CR1L: variants seen among roughly 807,000 people sequenced by gnomAD.
CR1L encodes complement C3b/C4b receptor 1 like, also known as complement component receptor 1-like protein.
In CR1L, 59 loss-of-function variants were observed where a neutral mutation model predicts 62.3. The ratio of observed to expected loss-of-function variants is 0.95; its 90% confidence interval spans 0.77 to 1.18. The LOEUF (loss-of-function observed/expected upper bound fraction) is 1.18. Among genes scored for constraint, CR1L ranks in the 50% most tolerant of loss-of-function variants. The pLI, the probability that CR1L is intolerant of heterozygous loss-of-function variation, is 0.00. For missense variants in CR1L, 700 were observed against 702.8 expected (o/e 1.00, Z 0.04); for synonymous variants, 279 against 248.7 (o/e 1.12, Z -1.15).
At chr1:207,687,015 G>A (rs1200127334) in intron 4 of CR1L, among the ~76,000 whole-genome samples, 1 of 152,194 alleles carries the variant, frequency 6.6e-6, no homozygotes, top group African/African-American at 2.4e-5. Context: ...CCAGTTTATA[G>A]TATTTTGTTA....
intron 9 of CR1L, among the ~76,000 whole-genome samples, chr1:207,706,672 G>C (rs1397716811): frequency 2.0e-5 from 3 of 152,172 alleles, no homozygotes; most frequent in Non-Finnish European, 4.4e-5. Context: ...TAGCACTTCT[G>C]TTGAGCCAAG....
chr1:207,660,849 T>G (rs913439874), intron 1 of CR1L, among the ~76,000 whole-genome samples: 11 of 152,260 alleles, frequency 7.2e-5, no homozygotes, highest in Admixed American at 3.3e-4. Flanking sequence ...GTTGTGTTTT[T>G]GTTCTTGTTG....
At chr1:207,719,973 G>A (rs1423855857) in intron 11 of CR1L, among the ~76,000 whole-genome samples, 2 of 152,168 alleles carry the variant, frequency 1.3e-5, no homozygotes, top group African/African-American at 2.4e-5. Context: ...TTCAACAAGA[G>A]AGAATATTTA....
chr1:207,717,530 T>A lies in CR1L; in HGVS notation c.1481T>A (p.Ile494Asn), dbSNP rs1384853258. ...CACACAGGAACTCCCCTTGGAGATA[T>A]TCCCTATGGAAAAGAAGTATCTTAC... ...GRHTGTPLGD[I>N]PYGKEVSYTC... The change falls in exon 11 of 12, where the codon ATT (isoleucine) becomes AAT (asparagine). Residue 494 changes from isoleucine to asparagine, a missense_variant. Physicochemically the swap from Ile to Asn is moderately radical, Grantham distance 149. Transcript: ENST00000508064. 2 of 1,613,664 alleles carry A rather than the reference T, an allele frequency of 1.2e-6. No individual in the cohort carries two copies. Among genetic ancestry groups the A allele is most frequent in the Non-Finnish European group, 8.5e-7 (1 of 1,179,702 alleles).
chr1:207,714,754 T>A (rs1285694142), intron 10 of CR1L, among the ~76,000 whole-genome samples: 1 of 152,190 alleles, frequency 6.6e-6, no homozygotes, highest in Non-Finnish European at 1.5e-5. Flanking sequence ...GTTGAGCATT[T>A]CAGGGTGGCA....
At position 207,717,424 on chromosome 1, in the gene CR1L, A is replaced by G. The variant is rs1196445040; in HGVS notation, c.1415-40A>G. 3.1e-6 allele frequency: 5 copies of G among 1,594,740 alleles called. No homozygotes were observed. In the African/African-American group the frequency reaches 4.0e-5, roughly 13 times the overall value. On this transcript the variant is annotated intron_variant, in intron 10 of 11. Coordinates refer to ENST00000508064, the MANE Select transcript of CR1L (RefSeq NM_175710.2). ...ACTAATATTTCAGTCATCTTAAGTG[A>G]AACTCTAATAGAACTTAAAAGCTCT...
At chr1:207,669,374 T>C (rs1284050994) in intron 1 of CR1L, 1 of 1,007,890 alleles carries the variant, frequency 9.9e-7, no homozygotes, top group Non-Finnish European at 1.5e-6. Flanking sequence ...CACTCCTCTT[T>C]GCACTGCGCT....
At chr1:207,672,709 G>A (rs1471724857) in intron 1 of CR1L, among the ~76,000 whole-genome samples, 1 of 152,070 alleles carries the variant, frequency 6.6e-6, no homozygotes. Flanking sequence ...GTTTAACATA[G>A]GGTAGACTCT....
At position 207,699,186 on chromosome 1, in the gene CR1L, T is replaced by C. The variant is rs1664154143; in HGVS notation, c.1143-3T>C. The C allele has an allele frequency of 6.2e-7, 1 of 1,613,622 alleles. No individual in the cohort carries two copies. Among genetic ancestry groups the C allele is most frequent in the Non-Finnish European group, 8.5e-7 (1 of 1,179,610 alleles). ...CGCTATTCACTCCTATTTTCTTCTT[T>C]AGATTTCAATTAAAAGGCAGCTCTG... On this transcript the variant is annotated splice_polypyrimidine_tract_variant and splice_region_variant and intron_variant, in intron 7 of 11. Coordinates refer to ENST00000508064, the MANE Select transcript of CR1L (RefSeq NM_175710.2).
At position 207,683,004 on chromosome 1, in the gene CR1L, C is replaced by CTTTT. The variant is rs1558017888; in HGVS notation, c.378-865_378-864insTTTT. On this transcript the variant is annotated intron_variant, in intron 3 of 11. Transcript: ENST00000508064. Reference sequence around the variant, plus strand: ...TCTTTCTTTCTTTTTTTCTTTCTTTCTTTCTTTTTCTTTCTTTCTTTCCTT... The same window carrying CTTTT: ...TCTTTCTTTCTTTTTTTCTTTCTTTCTTTTTTTCTTTTTCTTTCTTTCTTTCCTT... 8.0e-5 allele frequency among the ~76,000 whole-genome samples: 8 copies of CTTTT among 99,482 alleles called. No individual in the cohort carries two copies. The South Asian group carries it at 1.4e-3, about 17-fold the overall frequency. The allele number at this position is 99,482 out of a possible 152,430, so 65.3% of individuals were successfully genotyped here.
At chr1:207,674,698 C>T (rs1011527802) in intron 1 of CR1L, among the ~76,000 whole-genome samples, 6 of 152,154 alleles carry the variant, frequency 3.9e-5, no homozygotes, top group African/African-American at 1.4e-4. Flanking sequence ...GTGACGTTTA[C>T]CCTCTCTTAA....
chr1:207,697,552 C>A lies in CR1L; in HGVS notation c.912C>A (p.Asp304Glu), dbSNP rs772728513. The A allele has an allele frequency of 4.3e-6, 7 of 1,613,694 alleles. No individual in the cohort carries two copies. In the African/African-American group the frequency reaches 6.7e-5, roughly 15 times the overall value. The stretch of plus-strand genomic sequence containing the variant: ...TGCATGCTGAGCGTACCCAAAGGGA[C>A]AAGGACAACTTTTCACCCGGGCAGG... Reference protein sequence around the residue: ...DVLHAERTQRDKDNFSPGQEV... With the variant: ...DVLHAERTQREKDNFSPGQEV... Residue 304 changes from aspartate (D) to glutamate (E), a missense_variant, in exon 6 of 12, where the codon GAC becomes GAA. Physicochemically the swap from Asp to Glu is conservative, Grantham distance 45. Coordinates refer to ENST00000508064, the MANE Select transcript of CR1L (RefSeq NM_175710.2).
At chr1:207,719,181 C>T (rs1179716447) in intron 11 of CR1L, among the ~76,000 whole-genome samples, 1 of 141,348 alleles carries the variant, frequency 7.1e-6, no homozygotes, top group Non-Finnish European at 1.5e-5. Context: ...GTGGGTGCAG[C>T]GCACCAGCAT....
intron 3 of CR1L, among the ~76,000 whole-genome samples, chr1:207,683,123 T>G (rs797006558): frequency 1.1e-4 from 16 of 150,594 alleles, no homozygotes; most frequent in African/African-American, 3.9e-4. Context: ...TCTGACTCTC[T>G]CTCTCTCTCT....
At chr1:207,676,959 T>A (rs182351249) in intron 1 of CR1L, among the ~76,000 whole-genome samples, 113 of 152,042 alleles carry the variant, frequency 7.4e-4, no homozygotes, top group African/African-American at 2.5e-3. Flanking sequence ...CCCAGCTCCC[T>A]TGGCTATTAG....
At chr1:207,672,722 C>A (rs548432982) in intron 1 of CR1L, among the ~76,000 whole-genome samples, 1 of 152,056 alleles carries the variant, frequency 6.6e-6, no homozygotes, top group South Asian at 2.1e-4. Context: ...TAGACTCTGG[C>A]GCCCTCACAT....
At chr1:207,693,400 G>C (rs1664025482) in intron 4 of CR1L, among the ~76,000 whole-genome samples, 1 of 152,210 alleles carries the variant, frequency 6.6e-6, no homozygotes, top group African/African-American at 2.4e-5. Context: ...TTACAGGCAT[G>C]AGCCACCACG....
intron 1 of CR1L, 88 bp from the exon 2 acceptor site, chr1:207,677,301 C>G (rs1305494818): frequency 9.1e-7 from 1 of 1,094,504 alleles, no homozygotes; most frequent in Non-Finnish European, 1.2e-6. Flanking sequence ...GAGGGAGACT[C>G]TGTCACAAAA....
chr1:207,677,951 T>C (rs997052227), intron 2 of CR1L, among the ~76,000 whole-genome samples: 2 of 152,210 alleles, frequency 1.3e-5, no homozygotes, highest in Admixed American at 1.3e-4. Flanking sequence ...GAATTACAGA[T>C]AATAACGAAG....
Sources: gnomAD v4.1 joint callset for allele counts (sites outside exome capture counted in the v4.1 genomes callset) on GRCh38, gnomAD v4.1.1 for gene constraint, MANE v1.5 for transcripts, NCBI Gene and HGNC (gene_info 2026-07-23, HGNC 2026-07-21) for gene names.